Variants in ACTN4 observed in about 807,000 individuals in gnomAD.
ACTN4 encodes the protein alpha-actinin-4.
In ACTN4, 18 loss-of-function variants were observed where a neutral mutation model predicts 114.2. The ratio of observed to expected loss-of-function variants is 0.16; its 90% CI spans 0.11 to 0.23. The LOEUF (loss-of-function observed/expected upper bound fraction) is 0.23. Ranked by LOEUF, ACTN4 falls within the 10% of genes least tolerant of loss-of-function variation. The pLI, the probability that ACTN4 is intolerant of heterozygous loss-of-function variation, is 1.00. For missense variants in ACTN4, 722 were observed against 1,262.9 expected (o/e 0.57, Z 6.49); for synonymous variants, 515 against 506.3 (o/e 1.02, Z -0.23).
chr19:38,719,147 A>T (rs576715176), intron 11 of ACTN4, among the ~76,000 whole-genome samples: 1 of 152,282 alleles, frequency 6.6e-6, no homozygotes, highest in African/African-American at 2.4e-5. Context: ...CTTTTGGGTC[A>T]TGCCAAGGTT....
intron 3 of ACTN4, 152 bp downstream of exon 3, chr19:38,701,273 A>G: frequency 2.2e-6 from 3 of 1,340,108 alleles, no homozygotes; most frequent in Non-Finnish European, 3.0e-6. Context: ...GATCACAACA[A>G]CTGCTCTTGA....
intron 3 of ACTN4, among the ~76,000 whole-genome samples, chr19:38,702,722 C>T (rs1034701769): frequency 6.6e-6 from 1 of 152,192 alleles, no homozygotes; most frequent in African/African-American, 2.4e-5. Context: ...GGGTCCCTCC[C>T]CTGTCTCTGG....
At chr19:38,654,955 C>T (rs1245979774) in intron 1 of ACTN4, among the ~76,000 whole-genome samples, 3 of 152,068 alleles carry the variant, frequency 2.0e-5, no homozygotes, top group African/African-American at 7.2e-5. Context: ...TGCTGTTTGC[C>T]ACCTGTTGTT....
Position 38,659,065 on chromosome 19 carries a change from C to CTTTTTTTTTTTTT in ACTN4, c.162+11159_162+11171dup, listed in dbSNP as rs577141157. The stretch of plus-strand genomic sequence containing the variant: ...TAACTTTTTTTTCTTCTTTTCTTTT[C>CTTTTTTTTTTTTT]TTTTTTTTTTTTTGAGACGGAGTCT... On this transcript the variant is annotated intron_variant, in intron 1 of 20. Coordinates refer to ENST00000252699, the MANE Select transcript of ACTN4 (RefSeq NM_004924.6). Among the ~76,000 whole-genome samples, 237 of 111,652 alleles carry CTTTTTTTTTTTTT rather than the reference C, an allele frequency of 2.1e-3. 10 individuals are homozygous for CTTTTTTTTTTTTT. The highest frequency in any genetic ancestry group is 5.1e-3 in the African/African-American group (158 of 30,762). 73.2% of individuals were successfully genotyped at this position (111,652 alleles called of 152,430 possible). A position where few individuals can be genotyped will look rare whatever the true frequency, so the allele number is the denominator to read the frequency against.
intron 1 of ACTN4, among the ~76,000 whole-genome samples, chr19:38,688,390 CAAAA>C (rs35793948): frequency 0.084 from 6,794 of 81,174 alleles, 197 homozygotes; most frequent in South Asian, 0.15. Flanking sequence ...TTGTCTCTAC[CAAAA>C]AAAAAAAAAA....
At chr19:38,728,590 C>G (rs1393567916) in intron 19 of ACTN4, among the ~76,000 whole-genome samples, 2 of 152,114 alleles carry the variant, frequency 1.3e-5, no homozygotes, top group East Asian at 3.9e-4. Context: ...CCCGAGCCCC[C>G]CTTCTTCCCT....
intron 4 of ACTN4, among the ~76,000 whole-genome samples, chr19:38,705,498 G>C (rs1216674398): frequency 2.0e-5 from 3 of 152,230 alleles, no homozygotes; most frequent in African/African-American, 4.8e-5. Context: ...AGAGCCACCT[G>C]GGCTAGCGTG....
intron 2 of ACTN4, 118 bp from the exon 3 acceptor site, chr19:38,700,884 C>T: frequency 1.3e-6 from 2 of 1,486,174 alleles, no homozygotes; most frequent in African/African-American, 1.4e-5. Flanking sequence ...CCTGGTGGGC[C>T]AGCAGAGGAA....
At chr19:38,692,196 C>T (rs1967952809) in intron 1 of ACTN4, among the ~76,000 whole-genome samples, 1 of 152,244 alleles carries the variant, frequency 6.6e-6, no homozygotes, top group Non-Finnish European at 1.5e-5. Flanking sequence ...ACTGTAATTG[C>T]TTTCAAATTA....
chr19:38,665,231 A>T (rs983641543), intron 1 of ACTN4, among the ~76,000 whole-genome samples: 3 of 152,120 alleles, frequency 2.0e-5, no homozygotes, highest in African/African-American at 7.2e-5. Context: ...CAGAGCATGG[A>T]GGGAGGCCGA....
intron 1 of ACTN4, among the ~76,000 whole-genome samples, chr19:38,681,693 C>T (rs1967582516): frequency 6.6e-6 from 1 of 152,330 alleles, no homozygotes; most frequent in Non-Finnish European, 1.5e-5. Context: ...CCTCTCTGAC[C>T]GAGCTGTGCA....
intron 1 of ACTN4, among the ~76,000 whole-genome samples, chr19:38,675,356 A>G (rs1967339976): frequency 6.6e-6 from 1 of 152,152 alleles, no homozygotes; most frequent in Admixed American, 6.5e-5. Flanking sequence ...ATCATGGCTC[A>G]TTGCAGCCTT....
At chr19:38,690,436 C>G (rs995230588) in intron 1 of ACTN4, among the ~76,000 whole-genome samples, 1 of 152,238 alleles carries the variant, frequency 6.6e-6, no homozygotes, top group Non-Finnish European at 1.5e-5. Context: ...TTGTCCTAAT[C>G]GAGCTAAACA....
At chr19:38,691,631 G>A (rs934689264) in intron 1 of ACTN4, among the ~76,000 whole-genome samples, 6 of 151,876 alleles carry the variant, frequency 4.0e-5, no homozygotes, top group African/African-American at 1.2e-4. Context: ...GGCCTGGCGC[G>A]GTGGCTCACG....
chr19:38,673,753 ATT>A (rs554462699), intron 1 of ACTN4, among the ~76,000 whole-genome samples: 19,388 of 74,250 alleles, frequency 0.26, 5,193 homozygotes, highest in Non-Finnish European at 0.39. Flanking sequence ...ATTTATATAT[ATT>A]TTTATATATA....
chr19:38,685,438 A>G (rs1967712797), intron 1 of ACTN4, among the ~76,000 whole-genome samples: 1 of 152,196 alleles, frequency 6.6e-6, no homozygotes, highest in African/African-American at 2.4e-5. Context: ...TCACCCCCTC[A>G]TCCAGTGCTC....
chr19:38,703,005 CT>C (rs1968333843), intron 3 of ACTN4, among the ~76,000 whole-genome samples: 1 of 152,162 alleles, frequency 6.6e-6, no homozygotes, highest in Non-Finnish European at 1.5e-5. Context: ...AGTGGCGCCC[CT>C]CTGTCTTCTT....
In ACTN4 at chr19:38,730,749, A is replaced by G. The variant is rs889275996; in HGVS notation, c.*1317A>G. 1 of 1,410,656 alleles carries G rather than the reference A, an allele frequency of 7.1e-7. No individual in the cohort carries two copies. The allele number at this position is 1,410,656 out of a possible 1,614,324, so 87.4% of individuals were successfully genotyped here. On this transcript the variant is annotated 3_prime_UTR_variant, in exon 21 of 21. Transcript: ENST00000252699. ...TGAGGGCCAGAGACTAGCCCCAGAC[A>G]GGTGGATGCCAGAGAGAGTGGCACC... is the stretch of plus-strand genomic sequence containing the variant.
intron 1 of ACTN4, among the ~76,000 whole-genome samples, chr19:38,689,551 G>A (rs1472512499): frequency 6.6e-6 from 1 of 152,226 alleles, no homozygotes; most frequent in East Asian, 1.9e-4. Context: ...AGGCTAGAGT[G>A]CAGTGGCGCT....
Sources: allele counts gnomAD v4.1 joint callset (sites outside exome capture counted in the v4.1 genomes callset), GRCh38; gene constraint gnomAD v4.1.1; transcripts MANE v1.5; gene names NCBI Gene and HGNC (gene_info 2026-07-23, HGNC 2026-07-21).